ATG10: variants seen among roughly 807,000 people sequenced by gnomAD.
The protein encoded by ATG10 is autophagy related 10, also known as ubiquitin-like-conjugating enzyme ATG10.
Under a neutral mutation model 32.1 loss-of-function variants are expected in ATG10, and 30 were observed. The ratio of observed to expected loss-of-function variants is 0.94; its 90% CI spans 0.70 to 1.27. The LOEUF (loss-of-function observed/expected upper bound fraction) is 1.27, where lower values mean the gene tolerates loss of function less well. Among genes scored for constraint, ATG10 ranks in the 50% most tolerant of loss-of-function variants. The probability of loss-of-function intolerance (pLI) is 0.00; values close to 1 mark genes in which losing one functional copy is unlikely to be tolerated. For synonymous variants in ATG10, 87 were observed against 91.5 expected (o/e 0.95, Z 0.28); for missense variants, 233 against 262.3 (o/e 0.89, Z 0.77).
intron 3 of ATG10, among the ~76,000 whole-genome samples, chr5:82,065,638 A>G (rs375327376): frequency 6.6e-6 from 1 of 151,998 alleles, no homozygotes; most frequent in African/African-American, 2.4e-5. Context: ...TTTTTTTTGT[A>G]TTTAATTGAA....
Position 82,195,895 on chromosome 5 carries a change from A to C in ATG10, c.453+17308A>C, listed in dbSNP as rs555375008. Among the ~76,000 whole-genome samples, 175 of 152,282 alleles carry C rather than the reference A, an allele frequency of 1.1e-3. 2 individuals are homozygous for C. Among genetic ancestry groups the C allele is most frequent in the Admixed American group, 2.3e-3 (35 of 15,282 alleles). ...TGTTTTCAGTTTTCTTGTGTATATA[A>C]CCTAGCAGTAGAATTTCTGGGTCAT... On this transcript the variant is annotated intron_variant, in intron 5 of 7. Coordinates refer to ENST00000282185, the MANE Select transcript of ATG10 (RefSeq NM_031482.5).
At chr5:82,156,583 C>T (rs1188196964) in intron 3 of ATG10, among the ~76,000 whole-genome samples, 1 of 152,130 alleles carries the variant, frequency 6.6e-6, no homozygotes, top group Non-Finnish European at 1.5e-5. Flanking sequence ...ACATGATGTA[C>T]ATCAATAGGC....
chr5:82,109,390 G>T (rs940226358), intron 3 of ATG10, among the ~76,000 whole-genome samples: 2 of 152,060 alleles, frequency 1.3e-5, no homozygotes, highest in Non-Finnish European at 1.5e-5. Context: ...GTAGACTTCC[G>T]CCTCATGACT....
At chr5:82,104,371 C>G (rs1283099787) in intron 3 of ATG10, among the ~76,000 whole-genome samples, 3 of 151,948 alleles carry the variant, frequency 2.0e-5, no homozygotes, top group Non-Finnish European at 2.9e-5. Flanking sequence ...GAACTCCATA[C>G]TGGAATTTTC....
intron 5 of ATG10, among the ~76,000 whole-genome samples, chr5:82,206,765 T>C (rs955270100): frequency 6.6e-6 from 1 of 152,180 alleles, no homozygotes; most frequent in African/African-American, 2.4e-5. Flanking sequence ...AGAACATTTG[T>C]AAAATTATAC....
chr5:82,152,997 TGAA>T (rs1767665567), intron 3 of ATG10, among the ~76,000 whole-genome samples: 1 of 152,178 alleles, frequency 6.6e-6, no homozygotes, highest in African/African-American at 2.4e-5. Flanking sequence ...AATACGTAAG[TGAA>T]TAAGACAGGC....
intron 2 of ATG10, among the ~76,000 whole-genome samples, chr5:82,018,559 C>T (rs1762349672): frequency 6.6e-6 from 1 of 152,198 alleles, no homozygotes; most frequent in Non-Finnish European, 1.5e-5. Flanking sequence ...TCTTACTCCC[C>T]TGATTTCACC....
intron 2 of ATG10, 49 bp downstream of exon 2, chr5:81,987,727 T>C: frequency 1.4e-6 from 2 of 1,464,886 alleles, no homozygotes; most frequent in Middle Eastern, 1.8e-4. Flanking sequence ...ATTTTTTGTT[T>C]TGTTTTGTTT....
At position 82,120,799 on chromosome 5, in the gene ATG10, T is replaced by TA. The variant is rs144229841; in HGVS notation, c.217-43599dup. 3.6e-3 allele frequency among the ~76,000 whole-genome samples: 545 copies of TA among 152,280 alleles called. 3 individuals are homozygous for TA. The highest frequency in any genetic ancestry group is 0.012 in the African/African-American group (515 of 41,562). On this transcript the variant is annotated intron_variant, in intron 3 of 7. Coordinates refer to ENST00000282185, the MANE Select transcript of ATG10 (RefSeq NM_031482.5). ...TGACCTCAAAGGAACTGTTATTGCT[T>TA]AGCCAAGATTTAGGAGAGGAGACAT... is the stretch of plus-strand genomic sequence containing the variant.
Position 82,089,411 on chromosome 5 carries a change from A to G in ATG10, c.216+30809A>G, listed in dbSNP as rs529118133. 7.9e-5 allele frequency among the ~76,000 whole-genome samples: 12 copies of G among 152,318 alleles called. No individual in the cohort carries two copies. In the East Asian group the frequency reaches 1.9e-3, roughly 25 times the overall value. ...ATACAGCAATGGGACAGAATAGAGA[A>G]CCCAGAAGTAAAGCCACATAAATGT... is the stretch of plus-strand genomic sequence containing the variant. On this transcript the variant is annotated intron_variant, in intron 3 of 7. Transcript: ENST00000282185.
chr5:82,162,853 G>T (rs1388592056), intron 3 of ATG10, among the ~76,000 whole-genome samples: 4 of 150,702 alleles, frequency 2.7e-5, no homozygotes, highest in Admixed American at 6.7e-5. Context: ...GGGAGGAGGT[G>T]TGTGTGTGTC....
At chr5:82,128,195 A>T (rs1766358684) in intron 3 of ATG10, among the ~76,000 whole-genome samples, 1 of 151,018 alleles carries the variant, frequency 6.6e-6, no homozygotes, top group Non-Finnish European at 1.5e-5. Flanking sequence ...TGCACGTGAG[A>T]TGGGTCTCCT....
At chr5:82,130,518 G>C (rs112471293) in intron 3 of ATG10, among the ~76,000 whole-genome samples, 1 of 152,128 alleles carries the variant, frequency 6.6e-6, no homozygotes, top group African/African-American at 2.4e-5. Flanking sequence ...TGCCAAGACC[G>C]TGGGAAGAGT....
intron 3 of ATG10, among the ~76,000 whole-genome samples, chr5:82,125,916 G>GT (rs1453496260): frequency 6.6e-6 from 1 of 152,102 alleles, no homozygotes; most frequent in Admixed American, 6.5e-5. Flanking sequence ...AGCATGGAAT[G>GT]TTTTTTTCTA....
chr5:82,013,765 G>A (rs940099205), intron 2 of ATG10, among the ~76,000 whole-genome samples: 9 of 152,126 alleles, frequency 5.9e-5, no homozygotes, highest in Non-Finnish European at 1.2e-4. Flanking sequence ...GTGATGTAGA[G>A]CATTTTTTCA....
At chr5:82,001,443 A>G (rs1451739946) in intron 2 of ATG10, among the ~76,000 whole-genome samples, 1 of 152,216 alleles carries the variant, frequency 6.6e-6, no homozygotes. Flanking sequence ...TACTGGTACA[A>G]AAGCAGACAC....
chr5:82,073,261 C>G (rs1764181333), intron 3 of ATG10: 2 of 152,182 alleles, frequency 1.3e-5, no homozygotes, highest in Non-Finnish European at 2.9e-5. Flanking sequence ...ACTCAATCTA[C>G]CCTGCGCTAT....
intron 1 of ATG10, among the ~76,000 whole-genome samples, chr5:81,984,182 C>T (rs1031560585): frequency 2.6e-5 from 4 of 152,256 alleles, no homozygotes; most frequent in Non-Finnish European, 5.9e-5. Context: ...CCCGGCACCT[C>T]GGGAGGCCGA....
chr5:82,110,742 T>G (rs897283770), intron 3 of ATG10, among the ~76,000 whole-genome samples: 1 of 152,040 alleles, frequency 6.6e-6, no homozygotes, highest in Admixed American at 6.6e-5. Flanking sequence ...TTCTCCCATT[T>G]TGTAGGTTGC....
Sources: allele counts gnomAD v4.1 joint callset (sites outside exome capture counted in the v4.1 genomes callset), GRCh38; gene constraint gnomAD v4.1.1; transcripts MANE v1.5; gene names NCBI Gene and HGNC (gene_info 2026-07-23, HGNC 2026-07-21).